The following C1orf21 variants were observed in gnomAD, a reference collection of about 807,000 sequenced individuals.
C1orf21 encodes the protein uncharacterized protein C1orf21.
In C1orf21, 3 loss-of-function variants were observed where a neutral mutation model predicts 18.7. The ratio of observed to expected loss-of-function variants is 0.16; its 90% CI spans 0.07 to 0.42. The LOEUF (loss-of-function observed/expected upper bound fraction) is 0.42. C1orf21 is among the 10% of genes least tolerant of loss of function. The pLI is 0.99. For synonymous variants in C1orf21, 41 were observed against 46.4 expected, an observed-to-expected ratio of 0.88 and a Z score of 0.47; for missense variants, 104 against 143.6, an observed-to-expected ratio of 0.72 and a Z score of 1.41.
At chr1:184,572,531 A>G (rs1659127256) in intron 3 of C1orf21, among the ~76,000 whole-genome samples, 1 of 152,212 alleles carries the variant, frequency 6.6e-6, no homozygotes, top group South Asian at 2.1e-4. Flanking sequence ...AGTCTCTAAC[A>G]TTTCTAGTAA....
intron 1 of C1orf21, among the ~76,000 whole-genome samples, chr1:184,400,039 A>T (rs114120873): frequency 0.019 from 2,867 of 151,934 alleles, 100 homozygotes; most frequent in African/African-American, 0.064. Flanking sequence ...TAGTATCATT[A>T]TGAACTTGTG....
intron 1 of C1orf21, among the ~76,000 whole-genome samples, chr1:184,397,260 G>A (rs1199860675): frequency 6.6e-6 from 1 of 152,148 alleles, no homozygotes; most frequent in Non-Finnish European, 1.5e-5. Flanking sequence ...TTATTTGATG[G>A]GAATATATCA....
chr1:184,429,218 G>C (rs1656693333), intron 1 of C1orf21, among the ~76,000 whole-genome samples: 1 of 152,116 alleles, frequency 6.6e-6, no homozygotes, highest in Admixed American at 6.5e-5. Flanking sequence ...ATGGACCTCA[G>C]CACGTTGCTA....
intron 2 of C1orf21, among the ~76,000 whole-genome samples, chr1:184,494,457 C>G (rs571274677): frequency 1.1e-3 from 164 of 152,250 alleles, no homozygotes; most frequent in Non-Finnish European, 2.1e-3. Context: ...GAGAGTGAAG[C>G]AGTTGACCAG....
intron 1 of C1orf21, among the ~76,000 whole-genome samples, chr1:184,425,439 T>A (rs935751961): frequency 4.6e-5 from 7 of 151,800 alleles, no homozygotes; most frequent in Admixed American, 2.6e-4. Context: ...TTTTTAAGTT[T>A]TTTGTAGAGA....
chr1:184,415,605 TA>T (rs1410110205), intron 1 of C1orf21, among the ~76,000 whole-genome samples: 1 of 151,994 alleles, frequency 6.6e-6, no homozygotes, highest in Non-Finnish European at 1.5e-5. Context: ...TGAAAAGCAT[TA>T]AAAAAATGAA....
chr1:184,530,407 AATG>A (rs958343253), intron 3 of C1orf21, among the ~76,000 whole-genome samples: 6 of 152,038 alleles, frequency 3.9e-5, no homozygotes, highest in South Asian at 2.1e-4. Flanking sequence ...TGATGATGAC[AATG>A]ATGATGATGA....
chr1:184,566,585 A>G (rs1659038544), intron 3 of C1orf21: 1 of 377,212 alleles, frequency 2.7e-6, no homozygotes, highest in East Asian at 6.8e-5. Context: ...TCTTCTCCAA[A>G]CCAAGACTGC....
At chr1:184,502,050 A>G (rs1657983292) in intron 2 of C1orf21, among the ~76,000 whole-genome samples, 1 of 152,226 alleles carries the variant, frequency 6.6e-6, no homozygotes, top group Admixed American at 6.5e-5. Flanking sequence ...TTTATTACAT[A>G]TTTTACAAAA....
At chr1:184,576,084 C>T (rs1659185236) in intron 3 of C1orf21, among the ~76,000 whole-genome samples, 1 of 152,064 alleles carries the variant, frequency 6.6e-6, no homozygotes, top group South Asian at 2.1e-4. Flanking sequence ...CAACATATCA[C>T]TTTTCTGCAG....
chr1:184,457,794 T>C (rs1406176342), intron 1 of C1orf21, among the ~76,000 whole-genome samples: 1 of 152,190 alleles, frequency 6.6e-6, no homozygotes, highest in Non-Finnish European at 1.5e-5. Flanking sequence ...TGAAGCATTT[T>C]TATGGGAGTG....
At chr1:184,409,875 T>C (rs116504378) in intron 1 of C1orf21, among the ~76,000 whole-genome samples, 2 of 152,122 alleles carry the variant, frequency 1.3e-5, no homozygotes, top group Non-Finnish European at 2.9e-5. Context: ...CAGAAGAGAA[T>C]CAAAACATTT....
chr1:184,470,736 G>A (rs546770283), intron 1 of C1orf21, among the ~76,000 whole-genome samples: 2 of 152,136 alleles, frequency 1.3e-5, no homozygotes, highest in African/African-American at 2.4e-5. Flanking sequence ...AAAATGATCC[G>A]GGCATGGTGG....
chr1:184,412,489 T>C (rs1475438171), intron 1 of C1orf21: 2 of 152,230 alleles, frequency 1.3e-5, no homozygotes, highest in Non-Finnish European at 2.9e-5. Flanking sequence ...AGAGTGTTAA[T>C]ATCCAGAAAT....
intron 3 of C1orf21, among the ~76,000 whole-genome samples, chr1:184,577,943 TTTTG>T (rs1218792658): frequency 8.0e-6 from 1 of 124,960 alleles, no homozygotes; most frequent in African/African-American, 3.4e-5. Flanking sequence ...TTGTTTTTTG[TTTTG>T]TTTTTGTTTT....
intron 1 of C1orf21, among the ~76,000 whole-genome samples, chr1:184,477,015 C>CT (rs1470155681): frequency 1.3e-5 from 2 of 152,104 alleles, no homozygotes; most frequent in Non-Finnish European, 2.9e-5. Context: ...AGAGTGGGCT[C>CT]TCCTTCCTCG....
intron 1 of C1orf21, among the ~76,000 whole-genome samples, chr1:184,415,136 C>T (rs751000691): frequency 1.3e-5 from 2 of 152,098 alleles, no homozygotes; most frequent in South Asian, 4.1e-4. Context: ...GGCACTGGAG[C>T]GTGGCCGTTG....
chr1:184,538,840 T>A (rs1365872754), intron 3 of C1orf21, among the ~76,000 whole-genome samples: 1 of 152,210 alleles, frequency 6.6e-6, no homozygotes, highest in Non-Finnish European at 1.5e-5. Context: ...TACCACACTG[T>A]TTTGATTATT....
intron 4 of C1orf21, among the ~76,000 whole-genome samples, chr1:184,594,405 T>C (rs925253906): frequency 6.6e-6 from 1 of 152,138 alleles, no homozygotes; most frequent in Non-Finnish European, 1.5e-5. Flanking sequence ...AGAAAAGATA[T>C]CAATTTCTAC....
Sources: allele counts gnomAD v4.1 joint callset (sites outside exome capture counted in the v4.1 genomes callset), GRCh38; gene constraint gnomAD v4.1.1; transcripts MANE v1.5; gene names NCBI Gene and HGNC (gene_info 2026-07-23, HGNC 2026-07-21).